TASOR: variants seen among roughly 807,000 people sequenced by gnomAD.
TASOR encodes the protein transcription activation suppressor, also known as protein TASOR.
Under a neutral mutation model 178.6 loss-of-function variants are expected in TASOR, and 53 were observed. The observed-to-expected ratio is 0.30, with a 90% CI of 0.24 to 0.37. The LOEUF (loss-of-function observed/expected upper bound fraction) is 0.37. Among genes scored for constraint, TASOR ranks in the 10% least tolerant of loss-of-function variants. The pLI is 1.00. For synonymous variants in TASOR, 713 were observed against 696.2 expected, an observed-to-expected ratio of 1.02 and a Z score of -0.38; for missense variants, 1,815 against 1,971.4, an observed-to-expected ratio of 0.92 and a Z score of 1.50.
intron 1 of TASOR, among the ~76,000 whole-genome samples, chr3:56,676,631 CA>C (rs1177131897): frequency 6.6e-6 from 1 of 151,700 alleles, no homozygotes; most frequent in Non-Finnish European, 1.5e-5. Flanking sequence ...AAAATGTACA[CA>C]AAAAAAGGTA....
intron 14 of TASOR, among the ~76,000 whole-genome samples, chr3:56,644,411 AATAG>A (rs1253746398): frequency 1.3e-5 from 2 of 152,196 alleles, no homozygotes; most frequent in African/African-American, 4.8e-5. Flanking sequence ...CATTAAGGAG[AATAG>A]ACAGAAAGCT....
chr3:56,627,587 GTGACAACCTC>G lies in TASOR; in HGVS notation c.4015_4024del (p.Glu1339GlnfsTer9). ...TCAAAAGAACATCATCTTACCAACT[GTGACAACCTC>G]TGGGTTTAGAATTGATTCATCAGAT... On this transcript the variant is annotated frameshift_variant, in exon 20 of 24. Transcript: ENST00000683822. LOFTEE classifies it high-confidence loss of function. 6.2e-7 allele frequency: 1 copy of G among 1,614,000 alleles called. No individual in the cohort carries two copies. The highest frequency in any genetic ancestry group is 8.5e-7 in the Non-Finnish European group (1 of 1,179,946).
chr3:56,647,974 G>C (rs998771961), intron 13 of TASOR, among the ~76,000 whole-genome samples: 1 of 152,130 alleles, frequency 6.6e-6, no homozygotes, highest in Non-Finnish European at 1.5e-5. Context: ...TGAGGTAGTT[G>C]GATCGCTTCA....
chr3:56,654,139 T>C (rs2077419113), intron 11 of TASOR, among the ~76,000 whole-genome samples: 1 of 152,074 alleles, frequency 6.6e-6, no homozygotes, highest in Non-Finnish European at 1.5e-5. Flanking sequence ...TCATGGAGCA[T>C]GCCTGTAATC....
intron 5 of TASOR, 132 bp downstream of exon 5, chr3:56,669,568 A>T: frequency 1.7e-6 from 1 of 589,478 alleles, no homozygotes; most frequent in Non-Finnish European, 2.9e-6. Context: ...AACCATTTTC[A>T]AAAGTATCTT....
intron 1 of TASOR, among the ~76,000 whole-genome samples, chr3:56,679,507 G>C (rs760882232): frequency 1.4e-4 from 21 of 152,300 alleles, no homozygotes; most frequent in Admixed American, 2.0e-4. Context: ...TTAAGAATGA[G>C]ACTTGGCTCC....
At chr3:56,656,194 C>A (rs1387581254) in intron 11 of TASOR, among the ~76,000 whole-genome samples, 1 of 152,160 alleles carries the variant, frequency 6.6e-6, no homozygotes, top group Non-Finnish European at 1.5e-5. Flanking sequence ...CAAAAATAAA[C>A]ACTTCATTCA....
intron 15 of TASOR, among the ~76,000 whole-genome samples, chr3:56,640,895 T>C (rs1412599183): frequency 6.6e-6 from 1 of 152,202 alleles, no homozygotes; most frequent in Non-Finnish European, 1.5e-5. Context: ...AGGCTGCTTA[T>C]GTTCCATTCC....
intron 9 of TASOR, among the ~76,000 whole-genome samples, chr3:56,661,884 TG>T (rs763588503): frequency 6.6e-6 from 1 of 151,998 alleles, no homozygotes; most frequent in Non-Finnish European, 1.5e-5. Context: ...CAACACTTCG[TG>T]AGGCCAAGGC....
At position 56,641,464 on chromosome 3, in the gene TASOR, T is replaced by C. The variant is rs2077122942; in HGVS notation, c.2504A>G (p.Asn835Ser). 6.2e-7 allele frequency: 1 copy of C among 1,613,574 alleles called. No homozygotes were observed. The highest frequency in any genetic ancestry group is 8.5e-7 in the Non-Finnish European group (1 of 1,179,458). ...YEQPTCAKVENAQFKGTQSLL... is the reference protein window; with the variant it reads ...YEQPTCAKVESAQFKGTQSLL... ...GCTCTGAGTACCCTTAAACTGTGCA[T>C]TTTCAACTTTTGCACAAGTAGGCTG... Residue 835 changes from asparagine (N) to serine (S), a missense_variant, in exon 15 of 24, where the codon AAT (asparagine) becomes AGT (serine). By Grantham distance (46) the Asn-to-Ser change is conservative. Coordinates refer to ENST00000683822, the MANE Select transcript of TASOR (RefSeq NM_001365635.2).
At position 56,623,017 on chromosome 3, in the gene TASOR, T is replaced by TA. The variant is rs565235444; in HGVS notation, c.*19dup. The TA allele has an allele frequency of 3.7e-4, 539 of 1,443,858 alleles. No individual in the cohort carries two copies. The highest frequency in any genetic ancestry group is 6.1e-4 in the South Asian group (39 of 63,848). 89.4% of individuals were successfully genotyped at this position (1,443,858 alleles called of 1,614,324 possible). Reference sequence around the variant, plus strand: ...ATAAACAAAGTCCACAACAATCTCTTAAAAAAAAAGTTACTACAGTTATTT... The same window carrying TA: ...ATAAACAAAGTCCACAACAATCTCTTAAAAAAAAAAGTTACTACAGTTATTT... On this transcript the variant is annotated 3_prime_UTR_variant, in exon 24 of 24. Transcript: ENST00000683822.
At chr3:56,659,260 GT>G (rs146223253) in intron 11 of TASOR, among the ~76,000 whole-genome samples, 6,037 of 152,250 alleles carry the variant, frequency 0.04, 413 homozygotes, top group African/African-American at 0.14. Context: ...AAAGTCAACT[GT>G]TGTAAAACTT....
Position 56,621,692 on chromosome 3 carries a change from A to AT in TASOR, c.*1344dup. 2.0e-6 allele frequency: 2 copies of AT among 995,460 alleles called. No individual in the cohort carries two copies. Among genetic ancestry groups the AT allele is most frequent in the Non-Finnish European group, 3.0e-6 (2 of 661,080 alleles). 61.7% of individuals were successfully genotyped at this position (995,460 alleles called of 1,614,324 possible). Reference sequence around the variant, plus strand: ...AAAATGTGCTCACTGGCTCAACTGTATTTTTCAAATAGCCTAGATTTACTT... The same window carrying AT: ...AAAATGTGCTCACTGGCTCAACTGTATTTTTTCAAATAGCCTAGATTTACTT... On this transcript the variant is annotated 3_prime_UTR_variant, in exon 24 of 24. Coordinates refer to ENST00000683822, the MANE Select transcript of TASOR (RefSeq NM_001365635.2).
In TASOR at chr3:56,682,748, T is replaced by C. The variant is rs1300410878; in HGVS notation, c.259A>G (p.Arg87Gly). Residue 87 changes from arginine to glycine, a missense_variant, in exon 1 of 24, where the codon AGA becomes GGA. Around this residue, in one of 5 missense-constraint regions of TASOR, gnomAD observed 244 missense variants for 202.7 expected, o/e 1.20. Transcript: ENST00000683822. Reference protein sequence around the residue: ...SSEAGAAALPRGPEEPERPVR... With the variant: ...SSEAGAAALPGGPEEPERPVR... ...GGCCTTTCGGGCTCTTCGGGGCCTC[T>C]GGGCAGGGCGGCCGCGCCCGCCTCA... 6 of 1,532,688 alleles carry C rather than the reference T, an allele frequency of 3.9e-6. No individual in the cohort carries two copies. Among genetic ancestry groups the C allele is most frequent in the Non-Finnish European group, 5.3e-6 (6 of 1,137,708 alleles). The allele number at this position is 1,532,688 out of a possible 1,614,324, so 94.9% of individuals were successfully genotyped here.
In TASOR at chr3:56,648,967, TAA is replaced by T; in HGVS notation, c.1441+16_1441+17del. On this transcript the variant is annotated intron_variant, in intron 12 of 23. Coordinates refer to ENST00000683822, the MANE Select transcript of TASOR (RefSeq NM_001365635.2). ...TTAAGAAAGAATTGTAAAAATTTAT[TAA>T]AGAGAGACCACCTACCATATGGAGG... 1.9e-6 allele frequency: 3 copies of T among 1,600,598 alleles called. No homozygotes were observed. Among genetic ancestry groups the T allele is most frequent in the Non-Finnish European group, 2.6e-6 (3 of 1,175,340 alleles).
chr3:56,652,077 C>T (rs1194359529), intron 11 of TASOR, among the ~76,000 whole-genome samples: 1 of 151,994 alleles, frequency 6.6e-6, no homozygotes, highest in East Asian at 1.9e-4. Flanking sequence ...AGCCAGGCAC[C>T]GAACGCCACA....
intron 1 of TASOR, among the ~76,000 whole-genome samples, chr3:56,679,765 CT>C (rs1204619863): frequency 1.3e-5 from 2 of 152,148 alleles, no homozygotes; most frequent in African/African-American, 4.8e-5. Flanking sequence ...TTTTAATTTA[CT>C]TTTTATGACT....
At position 56,674,201 on chromosome 3, in the gene TASOR, T is replaced by TAAAAA. The variant is rs11348732; in HGVS notation, c.332-481_332-477dup. Among the ~76,000 whole-genome samples, 6 of 111,830 alleles carry TAAAAA rather than the reference T, an allele frequency of 5.4e-5. 1 individual carries two copies. Among genetic ancestry groups the TAAAAA allele is most frequent in the South Asian group, 3.1e-4 (1 of 3,270 alleles). 73.4% of individuals were successfully genotyped at this position (111,830 alleles called of 152,430 possible). On this transcript the variant is annotated intron_variant, in intron 1 of 23. Coordinates refer to ENST00000683822, the MANE Select transcript of TASOR (RefSeq NM_001365635.2). ...TTACTGACACACTGGTCTTTAAGTT[T>TAAAAA]AAAAAAAAAAAAAAAAAAAAAAAGC...
chr3:56,636,415 G>A (rs1434208602), intron 17 of TASOR, among the ~76,000 whole-genome samples: 1 of 151,896 alleles, frequency 6.6e-6, no homozygotes, highest in Non-Finnish European at 1.5e-5. Context: ...TGTTGTTGTT[G>A]TTGTTGTTGA....
Sources: gnomAD v4.1 joint callset for allele counts (sites outside exome capture counted in the v4.1 genomes callset) on GRCh38, gnomAD v4.1.1 for gene constraint, gnomAD v4.1.1 regional missense constraint, MANE v1.5 for transcripts, NCBI Gene and HGNC (gene_info 2026-07-23, HGNC 2026-07-21) for gene names.